Variants in UCHL3 observed in about 807,000 individuals in gnomAD.
UCHL3 encodes the protein ubiquitin carboxyl-terminal hydrolase isozyme L3.
In UCHL3, 22 loss-of-function variants were observed where a neutral mutation model predicts 35.8. That is an observed-to-expected ratio of 0.61 (90% confidence interval 0.44 to 0.88). The LOEUF (loss-of-function observed/expected upper bound fraction) is 0.88. Among genes scored for constraint, UCHL3 ranks in the 40% least tolerant of loss-of-function variants. UCHL3 has a pLI of 0.00. For missense variants in UCHL3, 229 were observed against 276.9 expected (o/e 0.83, Z 1.23); for synonymous variants, 90 against 92.8 (o/e 0.97, Z 0.17).
chr13:75,580,542 G>T (rs1282939190), intron 6 of UCHL3, among the ~76,000 whole-genome samples: 1 of 152,132 alleles, frequency 6.6e-6, no homozygotes, highest in African/African-American at 2.4e-5. Context: ...AGACTCAGCG[G>T]TCTTGTCCTC....
chr13:75,578,616 A>G (rs954447392), intron 6 of UCHL3, among the ~76,000 whole-genome samples: 1 of 152,068 alleles, frequency 6.6e-6, no homozygotes, highest in African/African-American at 2.4e-5. Flanking sequence ...TTGCTTGTTT[A>G]ATAGGGGGAA....
chr13:75,596,700 A>G (rs545316836), intron 7 of UCHL3, among the ~76,000 whole-genome samples: 31 of 152,282 alleles, frequency 2.0e-4, no homozygotes, highest in South Asian at 6.2e-4. Flanking sequence ...AATGATCTCA[A>G]TGGGAAGGAA....
intron 2 of UCHL3, among the ~76,000 whole-genome samples, chr13:75,555,489 T>G (rs1322880065): frequency 6.6e-6 from 1 of 152,186 alleles, no homozygotes; most frequent in South Asian, 2.1e-4. Flanking sequence ...GATGGAAGAA[T>G]GAATAGATCT....
intron 7 of UCHL3, among the ~76,000 whole-genome samples, chr13:75,601,459 G>T (rs1170020828): frequency 6.6e-6 from 1 of 152,224 alleles, no homozygotes; most frequent in Non-Finnish European, 1.5e-5. Flanking sequence ...GTCCTGATCA[G>T]TCAGGAGATA....
At chr13:75,560,925 T>G in intron 3 of UCHL3, 44 bp downstream of exon 3, 1 of 1,478,408 alleles carries the variant, frequency 6.8e-7, no homozygotes, top group Non-Finnish European at 8.9e-7. Context: ...AATACAATTT[T>G]TGTTTTATTC....
intron 6 of UCHL3, among the ~76,000 whole-genome samples, chr13:75,572,184 A>T (rs1264298415): frequency 6.6e-6 from 1 of 151,472 alleles, no homozygotes; most frequent in African/African-American, 2.4e-5. Flanking sequence ...CTTTCCCTCA[A>T]TCTCTTGCAC....
At chr13:75,550,668 G>A (rs1450103885) in intron 2 of UCHL3, among the ~76,000 whole-genome samples, 1 of 151,640 alleles carries the variant, frequency 6.6e-6, no homozygotes, top group African/African-American at 2.4e-5. Flanking sequence ...AGAAGAGTAA[G>A]TGCTACCAGG....
intron 3 of UCHL3, among the ~76,000 whole-genome samples, chr13:75,562,997 T>C (rs1420999436): frequency 6.6e-6 from 1 of 152,154 alleles, no homozygotes; most frequent in Non-Finnish European, 1.5e-5. Flanking sequence ...ATTAAGAGGA[T>C]ATCTAGTGCA....
At chr13:75,570,945 C>T (rs79445103) in intron 6 of UCHL3, among the ~76,000 whole-genome samples, 4,007 of 152,100 alleles carry the variant, frequency 0.026, 66 homozygotes, top group African/African-American at 0.03. Context: ...TTGCTCTAGG[C>T]GCTGCTTTCA....
rs2032445989 is a variant in UCHL3 at position 75,590,225 on chromosome 13, TG to T, written c.475-4688del. 3 of 1,199,312 alleles carry T rather than the reference TG, an allele frequency of 2.5e-6. No individual in the cohort carries two copies. The South Asian group carries it at 4.8e-5, about 19-fold the overall frequency. 74.3% of individuals were successfully genotyped at this position (1,199,312 alleles called of 1,614,324 possible). A position where few individuals can be genotyped will look rare whatever the true frequency, so the allele number is the denominator to read the frequency against. On this transcript the variant is annotated intron_variant, in intron 6 of 8. Transcript: ENST00000377595. ...TTCGGTCTTCAGAGTGCTTTTCTCT[TG>T]GTTCACTCAACCATTAGCTTTTTCT...
At chr13:75,592,980 G>A (rs895631314) in intron 6 of UCHL3, among the ~76,000 whole-genome samples, 2 of 152,034 alleles carry the variant, frequency 1.3e-5, no homozygotes, top group Admixed American at 1.3e-4. Flanking sequence ...CAGGGATTGG[G>A]TCCATATTCA....
At chr13:75,576,508 C>T (rs533085524) in intron 6 of UCHL3, among the ~76,000 whole-genome samples, 72 of 152,206 alleles carry the variant, frequency 4.7e-4, no homozygotes, top group Middle Eastern at 3.4e-3. Context: ...GCGCGTGCCA[C>T]CACACCCAGC....
chr13:75,574,857 T>C (rs573231681), intron 6 of UCHL3, among the ~76,000 whole-genome samples: 3 of 152,160 alleles, frequency 2.0e-5, no homozygotes, highest in African/African-American at 4.8e-5. Context: ...TTGGGTCATA[T>C]GTGTAGGAGT....
At chr13:75,596,431 G>C (rs1457939837) in intron 7 of UCHL3, among the ~76,000 whole-genome samples, 1 of 152,146 alleles carries the variant, frequency 6.6e-6, no homozygotes, top group South Asian at 2.1e-4. Flanking sequence ...GGGGACTTCA[G>C]ATGTCTGGGT....
Position 75,605,747 on chromosome 13 carries a change from A to C in UCHL3, c.628A>C (p.Lys210Gln), listed in dbSNP as rs752414958. Residue 210 changes from lysine to glutamine, a missense_variant, in exon 9 of 9, where the codon AAG (lysine) becomes CAG (glutamine). Physicochemically the swap from Lys to Gln is moderately conservative, Grantham distance 53 (BLOSUM62 1). Transcript: ENST00000377595. ...TLLEDAIEVCKKFMERDPDEL... is the reference protein window; with the variant it reads ...TLLEDAIEVCQKFMERDPDEL... ...TCCATAGGATGCCATAGAAGTTTGC[A>C]AGAAGTTTATGGAGCGCGACCCTGA... 6 of 1,613,990 alleles carry C rather than the reference A, an allele frequency of 3.7e-6. No individual in the cohort carries two copies. Among genetic ancestry groups the C allele is most frequent in the Non-Finnish European group, 5.1e-6 (6 of 1,179,972 alleles).
At chr13:75,575,850 C>T (rs2032003602) in intron 6 of UCHL3, among the ~76,000 whole-genome samples, 1 of 152,128 alleles carries the variant, frequency 6.6e-6, no homozygotes, top group South Asian at 2.1e-4. Context: ...CTCCCTGGTT[C>T]AAGCGATTCC....
chr13:75,577,064 A>G (rs1168930089), intron 6 of UCHL3, among the ~76,000 whole-genome samples: 2 of 152,154 alleles, frequency 1.3e-5, no homozygotes, highest in Non-Finnish European at 2.9e-5. Flanking sequence ...AGCCTGGGCA[A>G]CATAGTGAGA....
At chr13:75,596,773 A>G (rs2032656417) in intron 7 of UCHL3, among the ~76,000 whole-genome samples, 1 of 152,180 alleles carries the variant, frequency 6.6e-6, no homozygotes, top group Admixed American at 6.5e-5. Context: ...TCAGAGGCTA[A>G]AAGGGCAGTT....
intron 6 of UCHL3, among the ~76,000 whole-genome samples, chr13:75,581,414 A>G (rs910768648): frequency 3.4e-5 from 5 of 147,128 alleles, no homozygotes; most frequent in Non-Finnish European, 7.4e-5. Context: ...CAGTGGGTCG[A>G]TCTTGGCTCC....
Sources: gnomAD v4.1 joint callset for allele counts (sites outside exome capture counted in the v4.1 genomes callset) on GRCh38, gnomAD v4.1.1 for gene constraint, MANE v1.5 for transcripts, NCBI Gene and HGNC (gene_info 2026-07-23, HGNC 2026-07-21) for gene names.